Variants in IL23A observed in about 807,000 individuals in gnomAD.
IL23A encodes the protein interleukin 23 subunit alpha.
In IL23A, 16 loss-of-function variants were observed where a neutral mutation model predicts 20.7. The ratio of observed to expected loss-of-function variants is 0.77; its 90% CI spans 0.52 to 1.17. The LOEUF is 1.17. Among genes scored for constraint, IL23A ranks in the 50% most tolerant of loss-of-function variants. The probability of loss-of-function intolerance (pLI) is 0.00; values close to 1 mark genes in which losing one functional copy is unlikely to be tolerated. For synonymous variants in IL23A, 80 were observed against 88.7 expected, an observed-to-expected ratio of 0.90 and a Z score of 0.55; for missense variants, 175 against 229.5, an observed-to-expected ratio of 0.76 and a Z score of 1.53.
chr12:56,339,121 G>A lies in IL23A; in HGVS notation c.77G>A (p.Ser26Asn). ...CAGGGCAGAGCTGTGCCTGGGGGCA[G>A]CAGCCCTGCCTGGACTCAGTGCCAG... Reference protein sequence around the residue: ...TAQGRAVPGGSSPAWTQCQQL... With the variant: ...TAQGRAVPGGNSPAWTQCQQL... The change falls in exon 1 of 4, where the codon AGC becomes AAC. Residue 26 changes from serine (S) to asparagine (N), a missense_variant. Physicochemically the swap from Ser to Asn is conservative, Grantham distance 46. Coordinates refer to ENST00000228534, the MANE Select transcript of IL23A (RefSeq NM_016584.3). The A allele has an allele frequency of 6.3e-7, 1 of 1,581,786 alleles. No homozygotes were observed. Among genetic ancestry groups the A allele is most frequent in the Non-Finnish European group, 8.6e-7 (1 of 1,159,884 alleles).
chr12:56,339,846 T>C lies in IL23A; in HGVS notation c.408+9T>C. On this transcript the variant is annotated intron_variant, in intron 3 of 3. Coordinates refer to ENST00000228534, the MANE Select transcript of IL23A (RefSeq NM_016584.3). ...TCAGCCAACTCCTGCAGGTATGAAG[T>C]AGGGGCGTGGAGGATGGGGGCTTGC... is the stretch of plus-strand genomic sequence containing the variant. 6.2e-7 allele frequency: 1 copy of C among 1,611,592 alleles called. No individual in the cohort carries two copies. Among genetic ancestry groups the C allele is most frequent in the Non-Finnish European group, 8.5e-7 (1 of 1,178,620 alleles).
Position 56,339,795 on chromosome 12 carries a change from C to A in IL23A, c.366C>A (p.Gly122=). ...EPSLLPDSPV[G]QLHASLLGLS... ...CTCTGCTCCCTGATAGCCCTGTGGG[C>A]CAGCTTCATGCCTCCCTACTGGGCC... The change falls in exon 3 of 4, where the codon GGC becomes GGA. Residue 122 remains glycine (G), a synonymous_variant. Transcript: ENST00000228534. 1 of 1,613,894 alleles carries A rather than the reference C, an allele frequency of 6.2e-7. No individual in the cohort carries two copies. Among genetic ancestry groups the A allele is most frequent in the Non-Finnish European group, 8.5e-7 (1 of 1,179,920 alleles).
chr12:56,340,153 C>T lies in IL23A; in HGVS notation c.*49C>T. ...TCAGATCTCCATGGCCCAGCAAGGC[C>T]AAGATAAATCTACCACCCCAGGCAC... On this transcript the variant is annotated 3_prime_UTR_variant, in exon 4 of 4. Coordinates refer to ENST00000228534, the MANE Select transcript of IL23A (RefSeq NM_016584.3). The T allele has an allele frequency of 6.3e-7, 1 of 1,579,822 alleles. No homozygotes were observed. The highest frequency in any genetic ancestry group is 8.6e-7 in the Non-Finnish European group (1 of 1,158,902).
rs1356368995 is a variant in IL23A, at chr12:56,339,840, A to G, written c.408+3A>G. 2 of 1,612,282 alleles carry G rather than the reference A, an allele frequency of 1.2e-6. No individual in the cohort carries two copies. The highest frequency in any genetic ancestry group is 1.1e-5 in the South Asian group (1 of 90,942). ...TGGGCCTCAGCCAACTCCTGCAGGT[A>G]TGAAGTAGGGGCGTGGAGGATGGGG... On this transcript the variant is annotated splice_donor_region_variant and intron_variant, in intron 3 of 3. Coordinates refer to ENST00000228534, the MANE Select transcript of IL23A (RefSeq NM_016584.3).
rs1426078016 is a variant in IL23A, at chr12:56,339,032, A to G, written c.-13A>G. ...GGCGCAGAGCCAGCCAGATTTGAGAAGAAGGCAAAAAGATGCTGGGGAGCA... is the reference window on the plus strand; with the variant it reads ...GGCGCAGAGCCAGCCAGATTTGAGAGGAAGGCAAAAAGATGCTGGGGAGCA... On this transcript the variant is annotated 5_prime_UTR_variant, in exon 1 of 4. Coordinates refer to ENST00000228534, the MANE Select transcript of IL23A (RefSeq NM_016584.3). The G allele has an allele frequency of 1.2e-5, 17 of 1,381,778 alleles. No individual in the cohort carries two copies. The highest frequency in any genetic ancestry group is 1.6e-5 in the Non-Finnish European group (17 of 1,057,826). 85.6% of individuals were successfully genotyped at this position (1,381,778 alleles called of 1,614,324 possible).
Position 56,339,714 on chromosome 12 carries a change from G to A in IL23A, c.285G>A (p.Gln95=). Residue 95 remains glutamine (Q), a synonymous_variant, in exon 3 of 4, where the codon CAG becomes CAA. Coordinates refer to ENST00000228534, the MANE Select transcript of IL23A (RefSeq NM_016584.3). ...AGTTCTGCTTGCAAAGGATCCACCA[G>A]GGTCTGATTTTTTATGAGAAGCTGC... The part of the protein sequence containing the change: ...NSQFCLQRIH[Q]GLIFYEKLLG... 6.2e-7 allele frequency: 1 copy of A among 1,613,996 alleles called. No individual in the cohort carries two copies. The highest frequency in any genetic ancestry group is 8.5e-7 in the Non-Finnish European group (1 of 1,179,962).
At position 56,340,268 on chromosome 12, in the gene IL23A, C is replaced by A. The variant is rs751233204; in HGVS notation, c.*164C>A. On this transcript the variant is annotated 3_prime_UTR_variant, in exon 4 of 4. Coordinates refer to ENST00000228534, the MANE Select transcript of IL23A (RefSeq NM_016584.3). Reference sequence around the variant, plus strand: ...AATACTGACTGACATGTGATGCTGACCTATGATAAGGTTGAGTATTTATTA... The same window carrying A: ...AATACTGACTGACATGTGATGCTGAACTATGATAAGGTTGAGTATTTATTA... 3 of 680,824 alleles carry A rather than the reference C, an allele frequency of 4.4e-6. No individual in the cohort carries two copies. The highest frequency in any genetic ancestry group is 7.2e-6 in the Non-Finnish European group (3 of 414,858). The allele number at this position is 680,824 out of a possible 1,614,324, so 42.2% of individuals were successfully genotyped here.
chr12:56,339,568 G>A (rs1429709373), intron 2 of IL23A, 44 bp downstream of exon 2: 8 of 1,585,880 alleles, frequency 5.0e-6, no homozygotes, highest in Admixed American at 3.3e-5. Context: ...AGGGGACTGA[G>A]AACATGGCTG....
intron 1 of IL23A, 57 bp downstream of exon 1, chr12:56,339,263 A>T: frequency 6.6e-7 from 1 of 1,523,076 alleles, no homozygotes. Flanking sequence ...GCTGTGGCAG[A>T]AGACCGTGAC....
Position 56,339,285 on chromosome 12 carries a change from G to A in IL23A, c.162+79G>A. 3.4e-6 allele frequency: 5 copies of A among 1,478,230 alleles called. No individual in the cohort carries two copies. In the South Asian group the frequency reaches 6.4e-5, roughly 19 times the overall value. 91.6% of individuals were successfully genotyped at this position (1,478,230 alleles called of 1,614,324 possible). A position where few individuals can be genotyped will look rare whatever the true frequency, so the allele number is the denominator to read the frequency against. On this transcript the variant is annotated intron_variant, in intron 1 of 3. Transcript: ENST00000228534. ...CAGAAGACCGTGACCTTGAGTGGAAGCTGGAGGGTTGAAGGCCATTAGGGA... is the reference window on the plus strand; with the variant it reads ...CAGAAGACCGTGACCTTGAGTGGAAACTGGAGGGTTGAAGGCCATTAGGGA...
rs1336983599 is a variant in IL23A at position 56,339,408 on chromosome 12, C to T, written c.163-18C>T. ...CTATCTTACTTCTTCATTCTTTCCA[C>T]CTCTTCCTTCATTCCAGGATCTAAG... On this transcript the variant is annotated intron_variant, in intron 1 of 3. Coordinates refer to ENST00000228534, the MANE Select transcript of IL23A (RefSeq NM_016584.3). The T allele has an allele frequency of 2.6e-6, 4 of 1,561,016 alleles. No individual in the cohort carries two copies. The highest frequency in any genetic ancestry group is 3.5e-6 in the Non-Finnish European group (4 of 1,131,868).
Position 56,340,124 on chromosome 12 carries a change from G to A in IL23A, c.*20G>A, listed in dbSNP as rs201317533. 2 of 1,611,322 alleles carry A rather than the reference G, an allele frequency of 1.2e-6. No homozygotes were observed. The highest frequency in any genetic ancestry group is 8.5e-7 in the Non-Finnish European group (1 of 1,178,348). ...CCCTAAAGGCAGCAGCTCAAGGATG[G>A]CACTCAGATCTCCATGGCCCAGCAA... is the stretch of plus-strand genomic sequence containing the variant. On this transcript the variant is annotated 3_prime_UTR_variant, in exon 4 of 4. Coordinates refer to ENST00000228534, the MANE Select transcript of IL23A (RefSeq NM_016584.3).
chr12:56,339,751 A>AT lies in IL23A; in HGVS notation c.326dup (p.Thr110HisfsTer9). 3 of 1,613,924 alleles carry AT rather than the reference A, an allele frequency of 1.9e-6. No homozygotes were observed. The highest frequency in any genetic ancestry group is 2.5e-6 in the Non-Finnish European group (3 of 1,179,974). ...TTATGAGAAGCTGCTAGGATCGGAT[A>AT]TTTTCACAGGGGAGCCTTCTCTGCT... On this transcript the variant is annotated frameshift_variant, in exon 3 of 4. Transcript: ENST00000228534. LOFTEE classifies it high-confidence loss of function.
chr12:56,339,366 G>A lies in IL23A; in HGVS notation c.163-60G>A, dbSNP rs1351387884. ...GGAGAGTCATGGGCCTGAGGGTCCA[G>A]GTTGGCTTCAGAAGTACTATCTTAC... On this transcript the variant is annotated intron_variant, in intron 1 of 3. Coordinates refer to ENST00000228534, the MANE Select transcript of IL23A (RefSeq NM_016584.3). The A allele has an allele frequency of 2.1e-6, 3 of 1,420,690 alleles. No homozygotes were observed. In the African/African-American group the frequency reaches 4.2e-5, roughly 20 times the overall value. 88.0% of individuals were successfully genotyped at this position (1,420,690 alleles called of 1,614,324 possible).
rs1876440861 is a variant in IL23A at position 56,340,070 on chromosome 12, TC to T, written c.537del (p.Phe180LeufsTer8). The T allele has an allele frequency of 6.2e-7, 1 of 1,613,996 alleles. No homozygotes were observed. Among genetic ancestry groups the T allele is most frequent in the South Asian group, 1.1e-5 (1 of 91,078 alleles). Reference sequence around the variant, plus strand: ...GCCTTTGTGGCTGTAGCCGCCCGGGTCTTTGCCCATGGAGCAGCAACCCTGA... The same window carrying T: ...GCCTTTGTGGCTGTAGCCGCCCGGGTTTTGCCCATGGAGCAGCAACCCTGA... ...LQAFVAVAAR[V>X]FAHGAATLSP On this transcript the variant is annotated frameshift_variant, in exon 4 of 4. Coordinates refer to ENST00000228534, the MANE Select transcript of IL23A (RefSeq NM_016584.3). LOFTEE classifies it high-confidence loss of function.
In IL23A at chr12:56,339,500, C is replaced by G. The variant is rs1442002060; in HGVS notation, c.237C>G (p.Pro79=). ...PHIQCGDGCD[P]QGLRDNSQFC... is the part of the protein sequence containing the mutation. The stretch of plus-strand genomic sequence containing the variant: ...TCCAGTGTGGAGATGGCTGTGACCC[C>G]CAAGGACTCAGGGACAACAGTCAGG... Residue 79 remains proline (P), a synonymous_variant, in exon 2 of 4, where the codon CCC becomes CCG. Transcript: ENST00000228534. The G allele has an allele frequency of 1.2e-6, 2 of 1,612,560 alleles. No homozygotes were observed. The highest frequency in any genetic ancestry group is 1.7e-6 in the Non-Finnish European group (2 of 1,178,602).
At chr12:56,339,665 C>T (rs1245329633) in intron 2 of IL23A, 26 bp from the exon 3 acceptor site, 2 of 1,610,736 alleles carry the variant, frequency 1.2e-6, no homozygotes, top group Non-Finnish European at 1.7e-6. Context: ...AGGGTGTCCT[C>T]TTTCATTGCT....
In IL23A at chr12:56,339,012, A is replaced by G; in HGVS notation, c.-33A>G. 7.3e-7 allele frequency: 1 copy of G among 1,360,996 alleles called. No individual in the cohort carries two copies. Among genetic ancestry groups the G allele is most frequent in the Non-Finnish European group, 9.6e-7 (1 of 1,046,894 alleles). 84.3% of individuals were successfully genotyped at this position (1,360,996 alleles called of 1,614,324 possible). On this transcript the variant is annotated 5_prime_UTR_variant, in exon 1 of 4. Transcript: ENST00000228534. ...TTCCACCAGGACTGGTGCAAGGCGC[A>G]GAGCCAGCCAGATTTGAGAAGAAGG... is the stretch of plus-strand genomic sequence containing the variant.
chr12:56,339,401 C>G, intron 1 of IL23A, 25 bp from the exon 2 acceptor site: 1 of 1,546,216 alleles, frequency 6.5e-7, no homozygotes, highest in Non-Finnish European at 8.9e-7. Flanking sequence ...CTTCTTCATT[C>G]TTTCCACCTC....
Sources: gnomAD v4.1 joint callset for allele counts on GRCh38, gnomAD v4.1.1 for gene constraint, MANE v1.5 for transcripts, NCBI Gene and HGNC (gene_info 2026-07-23, HGNC 2026-07-21) for gene names.